The following ADAMTS13 variants were observed in gnomAD, a reference collection of about 807,000 sequenced individuals.
The protein encoded by ADAMTS13 is A disintegrin and metalloproteinase with thrombospondin motifs 13.
ADAMTS13 carries 110 observed loss-of-function variants against 155.1 expected under a neutral mutation model. The ratio of observed to expected loss-of-function variants is 0.71; its 90% confidence interval spans 0.61 to 0.83. The LOEUF (loss-of-function observed/expected upper bound fraction) is 0.83. Among genes scored for constraint, ADAMTS13 ranks in the 40% least tolerant of loss-of-function variants. ADAMTS13 has a pLI of 0.00. For missense variants in ADAMTS13, 1,707 were observed against 1,891.7 expected (o/e 0.90, Z 1.81); for synonymous variants, 758 against 756.4 (o/e 1.00, Z -0.03).
intron 7 of ADAMTS13, chr9:133,429,697 C>T (rs1024503166): frequency 2.9e-6 from 2 of 692,826 alleles, no homozygotes; most frequent in Non-Finnish European, 5.2e-6. Flanking sequence ...CCATCCCACT[C>T]AGACCCGTCC....
chr9:133,424,757 A>C lies in ADAMTS13; in HGVS notation c.330+279A>C, dbSNP rs1033787374. On this transcript the variant is annotated intron_variant, in intron 3 of 28. Coordinates refer to ENST00000355699, the MANE Select transcript of ADAMTS13 (RefSeq NM_139027.6). The surrounding 1 kb of genome is among the most constrained non-coding windows in gnomAD (Gnocchi z 4.3). ...TGGCCTCTTCCCCAGTATCCATTTG[A>C]CCCCCACAAAGCTCAGCTAAAGCAA... Among the ~76,000 whole-genome samples the C allele has an allele frequency of 7.2e-5, 11 of 151,812 alleles. No individual in the cohort carries two copies. The highest frequency in any genetic ancestry group is 2.7e-4 in the African/African-American group (11 of 41,290).
At chr9:133,439,293 A>G in intron 14 of ADAMTS13, 73 bp from the exon 15 acceptor site, 1 of 1,209,988 alleles carries the variant, frequency 8.3e-7, no homozygotes, top group Non-Finnish European at 1.2e-6. Context: ...CCGACCAGCT[A>G]AGATCAGCTC....
In ADAMTS13 at chr9:133,424,221, G is replaced by A. The variant is rs949088715; in HGVS notation, c.173-100G>A. ...GGGTGACACGCAATGTCTTGACTTCGGAAGGCCATCCTTCCAAGACCTGCC... is the reference window on the plus strand; with the variant it reads ...GGGTGACACGCAATGTCTTGACTTCAGAAGGCCATCCTTCCAAGACCTGCC... On this transcript the variant is annotated intron_variant, in intron 2 of 28. Coordinates refer to ENST00000355699, the MANE Select transcript of ADAMTS13 (RefSeq NM_139027.6). The surrounding 1 kb of genome is among the most constrained non-coding windows in gnomAD (Gnocchi z 4.3). The A allele has an allele frequency of 1.1e-4, 178 of 1,573,142 alleles. No homozygotes were observed. Among genetic ancestry groups the A allele is most frequent in the Non-Finnish European group, 1.3e-4 (156 of 1,157,772 alleles).
chr9:133,436,928 TG>T lies in ADAMTS13; in HGVS notation c.1412del (p.Gly471ValfsTer26). 1 of 1,592,838 alleles carries T rather than the reference TG, an allele frequency of 6.3e-7. No homozygotes were observed. The highest frequency in any genetic ancestry group is 8.5e-7 in the Non-Finnish European group (1 of 1,171,044). ...CCCTGGCGGCGCCTCCTTCTACCACTGGGGTGCTGCTGTACCACACAGCCAA... is the reference window on the plus strand; with the variant it reads ...CCCTGGCGGCGCCTCCTTCTACCACTGGGTGCTGCTGTACCACACAGCCAA... ...SSPGGASFYH[W>X]GAAVPHSQGD... On this transcript the variant is annotated frameshift_variant, in exon 12 of 29. Transcript: ENST00000355699. LOFTEE classifies it high-confidence loss of function.
chr9:133,455,780 C>A, intron 25 of ADAMTS13: 2 of 923,504 alleles, frequency 2.2e-6, no homozygotes, highest in Non-Finnish European at 3.3e-6. Context: ...TTACTACTAT[C>A]AAGGGGAAGT....
intron 1 of ADAMTS13, 91 bp downstream of exon 1, chr9:133,422,639 A>G: frequency 7.6e-7 from 1 of 1,308,442 alleles, no homozygotes; most frequent in Non-Finnish European, 1.1e-6. Context: ...CAAATAGCTG[A>G]CTACATCAGC....
Position 133,443,571 on chromosome 9 carries a change from G to A in ADAMTS13, c.2420+10G>A, listed in dbSNP as rs1841846025. The stretch of plus-strand genomic sequence containing the variant: ...AGCCCTGCCCTGCCAGGTGAGCCCA[G>A]GGCTAGGTGGGGCTGGGAGAGGGCC... On this transcript the variant is annotated intron_variant, in intron 19 of 28. Transcript: ENST00000355699. 6.5e-7 allele frequency: 1 copy of A among 1,532,828 alleles called. No homozygotes were observed. Among genetic ancestry groups the A allele is most frequent in the Non-Finnish European group, 8.7e-7 (1 of 1,144,136 alleles). The allele number at this position is 1,532,828 out of a possible 1,614,324, so 95.0% of individuals were successfully genotyped here. A position where few individuals can be genotyped will look rare whatever the true frequency, so the allele number is the denominator to read the frequency against.
chr9:133,414,578 C>A (rs782089798), exon 1 of ADAMTS13: 12 of 1,136,030 alleles, frequency 1.1e-5, no homozygotes, highest in Admixed American at 1.7e-5. Flanking sequence ...GGAGAGACTG[C>A]GGTGAGGCCA....
chr9:133,441,179 G>T lies in ADAMTS13; in HGVS notation c.1968+654G>T, dbSNP rs1554790640. Among the ~76,000 whole-genome samples the T allele has an allele frequency of 6.6e-6, 1 of 152,138 alleles. No homozygotes were observed. Among genetic ancestry groups the T allele is most frequent in the African/African-American group, 2.4e-5 (1 of 41,404 alleles). Reference sequence around the variant, plus strand: ...GGAGGGTGGAGAGACATAAGCGCAGGCTGAAACAGACCTGAGAACCTTGGG... The same window carrying T: ...GGAGGGTGGAGAGACATAAGCGCAGTCTGAAACAGACCTGAGAACCTTGGG... On this transcript the variant is annotated intron_variant, in intron 16 of 28. Coordinates refer to ENST00000355699, the MANE Select transcript of ADAMTS13 (RefSeq NM_139027.6). The surrounding 1 kb of genome is among the most constrained non-coding windows in gnomAD (Gnocchi z 5.0).
chr9:133,440,425 A>G lies in ADAMTS13; in HGVS notation c.1868A>G (p.Asp623Gly). Residue 623 changes from aspartate to glycine, a missense_variant, in exon 16 of 29, where the codon GAT becomes GGT. Around this residue, in one of 3 missense-constraint regions of ADAMTS13, gnomAD observed 961 missense variants for 1,107.9 expected, o/e 0.87. Coordinates refer to ENST00000355699, the MANE Select transcript of ADAMTS13 (RefSeq NM_139027.6). The surrounding 1 kb of genome is among the most constrained non-coding windows in gnomAD (Gnocchi z 4.3). ...ACCACCTACCCCTCCCTCCTGGAGG[A>G]TGGTCGTGTCGAGTACAGAGTGGCC... is the stretch of plus-strand genomic sequence containing the variant. Reference protein sequence around the residue: ...PNTTYPSLLEDGRVEYRVALT... With the variant: ...PNTTYPSLLEGGRVEYRVALT... 6.2e-7 allele frequency: 1 copy of G among 1,613,768 alleles called. No individual in the cohort carries two copies. Among genetic ancestry groups the G allele is most frequent in the Non-Finnish European group, 8.5e-7 (1 of 1,179,970 alleles).
At chr9:133,432,497 C>G in intron 8 of ADAMTS13, 91 bp from the exon 9 acceptor site, 1 of 1,146,412 alleles carries the variant, frequency 8.7e-7, no homozygotes, top group Non-Finnish European at 1.3e-6. Context: ...TCAGTGTGTC[C>G]TGCAGTCTGG....
chr9:133,446,826 T>G (rs1554792799), intron 21 of ADAMTS13, among the ~76,000 whole-genome samples: 1 of 152,210 alleles, frequency 6.6e-6, no homozygotes, highest in East Asian at 1.9e-4. Context: ...CTCCCATCCT[T>G]GCCAACACTT....
At chr9:133,437,083 C>A in intron 12 of ADAMTS13, 128 bp downstream of exon 12, 1 of 1,267,808 alleles carries the variant, frequency 7.9e-7, no homozygotes, top group Non-Finnish European at 1.1e-6. Context: ...CTCTGGCATC[C>A]CACAGACCAT....
chr9:133,426,315 G>A lies in ADAMTS13; in HGVS notation c.656G>A (p.Gly219Glu). 1 of 1,604,116 alleles carries A rather than the reference G, an allele frequency of 6.2e-7. No individual in the cohort carries two copies. Among genetic ancestry groups the A allele is most frequent in the Non-Finnish European group, 8.5e-7 (1 of 1,179,974 alleles). ...ACCGAGGACACTGGCTTCGACCTGG[G>A]AGTCACCATTGCCCATGAGATTGGG... ...LITEDTGFDL[G>E]VTIAHEIGHS... The change falls in exon 6 of 29, where the codon GGA becomes GAA. Residue 219 changes from glycine (G) to glutamate (E), a missense_variant. Gly to Glu is a moderately conservative substitution (Grantham distance 98). Transcript: ENST00000355699.
At position 133,442,411 on chromosome 9, in the gene ADAMTS13, T is replaced by C; in HGVS notation, c.1981T>C (p.Tyr661His). Reference protein sequence around the residue: ...EDADIQVYRRYGEEYGNLTRP... With the variant: ...EDADIQVYRRHGEEYGNLTRP... ...TCTTTGTCTGCAGGTTTACAGGCGG[T>C]ATGGCGAGGAGTATGGCAACCTCAC... The change falls in exon 17 of 29, where the codon TAT (tyrosine) becomes CAT (histidine). Residue 661 changes from tyrosine to histidine, a missense_variant. Tyr to His is a moderately conservative substitution (Grantham distance 83, BLOSUM62 2). This residue lies in a region of ADAMTS13 where 961 missense variants were observed against 1,107.9 expected (regional missense o/e 0.87). Transcript: ENST00000355699. 1 of 1,613,898 alleles carries C rather than the reference T, an allele frequency of 6.2e-7. No homozygotes were observed. The highest frequency in any genetic ancestry group is 8.5e-7 in the Non-Finnish European group (1 of 1,180,028).
Position 133,458,101 on chromosome 9 carries a change from C to G in ADAMTS13, c.3909+7C>G. 6.2e-7 allele frequency: 1 copy of G among 1,612,662 alleles called. No homozygotes were observed. Among genetic ancestry groups the G allele is most frequent in the African/African-American group, 1.3e-5 (1 of 75,030 alleles). ...CAATGCCAGCTACATCTTGGTGAGG[C>G]CCAGCATGGGGACTTGTGCTGTGAT... On this transcript the variant is annotated splice_region_variant and intron_variant, in intron 28 of 28. Transcript: ENST00000355699.
At chr9:133,422,608 T>A in intron 1 of ADAMTS13, 60 bp downstream of exon 1, 2 of 1,564,752 alleles carry the variant, frequency 1.3e-6, no homozygotes, top group Non-Finnish European at 1.8e-6. Flanking sequence ...TATTCTGAGC[T>A]ACCTGGGGCG....
intron 23 of ADAMTS13, among the ~76,000 whole-genome samples, chr9:133,453,009 C>T (rs936489952): frequency 2.0e-5 from 3 of 152,132 alleles, no homozygotes; most frequent in East Asian, 1.9e-4. Context: ...CCCTGAGCGT[C>T]GGTCCAGAAC....
rs782028925 is a variant in ADAMTS13 at position 133,456,670 on chromosome 9, G to C, written c.3675G>C (p.Gly1225=). The C allele has an allele frequency of 7.5e-6, 12 of 1,595,614 alleles. No individual in the cohort carries two copies. The East Asian group carries it at 2.5e-4, about 33-fold the overall frequency. The stretch of plus-strand genomic sequence containing the variant: ...AGCGCTGCGGGCGGCCAGGAGGTGG[G>C]GTGCTGCTGCGGTATGGGAGCCAGC... The part of the protein sequence containing the change: ...VRQRCGRPGG[G]VLLRYGSQLA... The change falls in exon 27 of 29, where the codon GGG becomes GGC. Residue 1225 remains glycine, a synonymous_variant. Coordinates refer to ENST00000355699, the MANE Select transcript of ADAMTS13 (RefSeq NM_139027.6). The surrounding 1 kb of genome is among the most constrained non-coding windows in gnomAD (Gnocchi z 4.4).
Sources: gnomAD v4.1 joint callset for allele counts (sites outside exome capture counted in the v4.1 genomes callset) on GRCh38, gnomAD v4.1.1 for gene constraint, gnomAD v4.1.1 regional missense constraint, Gnocchi (gnomAD v3.1) non-coding constraint, MANE v1.5 for transcripts, NCBI Gene and HGNC (gene_info 2026-07-23, HGNC 2026-07-21) for gene names.